The following SLIT2 variants were observed in gnomAD, a reference collection of about 807,000 sequenced individuals.
The protein encoded by SLIT2 is slit homolog 2 protein.
SLIT2 carries 41 observed loss-of-function variants against 185.7 expected under a neutral mutation model. That is an observed-to-expected ratio of 0.22 (90% CI 0.17 to 0.29). The LOEUF is 0.29. Ranked by LOEUF, SLIT2 falls within the 10% of genes least tolerant of loss-of-function variation. The pLI is 1.00. For missense variants in SLIT2, 1,571 were observed against 1,909.0 expected, an observed-to-expected ratio of 0.82 and a Z score of 3.30; for synonymous variants, 693 against 680.2, an observed-to-expected ratio of 1.02 and a Z score of -0.29.
intron 4 of SLIT2, among the ~76,000 whole-genome samples, chr4:20,326,746 C>CTTTTTTTTTT (rs59509608): frequency 1.8e-5 from 1 of 54,728 alleles, no homozygotes; most frequent in Admixed American, 2.1e-4. Context: ...ATTCTGAAAC[C>CTTTTTTTTTT]TTTTTTTTTT....
At chr4:20,467,288 G>A (rs1260753902) in intron 4 of SLIT2, among the ~76,000 whole-genome samples, 5 of 152,008 alleles carry the variant, frequency 3.3e-5, no homozygotes, top group African/African-American at 7.2e-5. Context: ...TAATCATACT[G>A]TCCAGGTTTT....
At position 20,528,415 on chromosome 4, in the gene SLIT2, A is replaced by G; in HGVS notation, c.1463-534A>G. 1.9e-6 allele frequency: 1 copy of G among 514,710 alleles called. No homozygotes were observed. Among genetic ancestry groups the G allele is most frequent in the Non-Finnish European group, 4.0e-6 (1 of 248,796 alleles). The allele number at this position is 514,710 out of a possible 1,614,324, so 31.9% of individuals were successfully genotyped here. ...ACAAGCTGCTGAGGCTTAAATCAGG[A>G]TTTTCCTGTCTCTTTCTACAAAATC... is the stretch of plus-strand genomic sequence containing the variant. On this transcript the variant is annotated intron_variant, in intron 15 of 36. Transcript: ENST00000504154. The surrounding 1 kb of genome is among the most constrained non-coding windows in gnomAD (Gnocchi z 4.2).
chr4:20,526,809 C>CT (rs1721336795), intron 15 of SLIT2, among the ~76,000 whole-genome samples: 1 of 152,110 alleles, frequency 6.6e-6, no homozygotes, highest in Non-Finnish European at 1.5e-5. Context: ...GCTTCCTCCC[C>CT]TTTTTTCCAA....
chr4:20,468,561 G>C (rs1577714284), intron 5 of SLIT2, among the ~76,000 whole-genome samples: 2 of 151,966 alleles, frequency 1.3e-5, no homozygotes, highest in South Asian at 2.1e-4. Flanking sequence ...TTATTTCTAA[G>C]GATGCATATC....
intron 5 of SLIT2, 26 bp downstream of exon 5, chr4:20,467,849 G>A (rs1371370620): frequency 4.3e-6 from 5 of 1,173,710 alleles, no homozygotes; most frequent in South Asian, 1.4e-5. Context: ...TAAATTTATA[G>A]TGTTTTAAGT....
intron 4 of SLIT2, among the ~76,000 whole-genome samples, chr4:20,361,442 G>A (rs1474527595): frequency 6.6e-6 from 1 of 152,014 alleles, no homozygotes; most frequent in South Asian, 2.1e-4. Context: ...TAGATTTCAG[G>A]ATCTCTCTTT....
At chr4:20,615,555 G>A (rs1729587242) in intron 34 of SLIT2, 1 of 152,234 alleles carries the variant, frequency 6.6e-6, no homozygotes. Flanking sequence ...TGCTCATGGT[G>A]TATAGATGAC....
intron 4 of SLIT2, among the ~76,000 whole-genome samples, chr4:20,297,000 C>T (rs1225162123): frequency 6.6e-6 from 1 of 152,198 alleles, no homozygotes; most frequent in Non-Finnish European, 1.5e-5. Flanking sequence ...TGAGCTTGTC[C>T]TTGAACATGC....
chr4:20,339,179 C>A (rs1486402213), intron 4 of SLIT2, among the ~76,000 whole-genome samples: 5 of 148,590 alleles, frequency 3.4e-5, no homozygotes, highest in African/African-American at 7.4e-5. Flanking sequence ...GTATGGATTA[C>A]AATTATTTCT....
At chr4:20,290,605 C>T (rs908498263) in intron 4 of SLIT2, among the ~76,000 whole-genome samples, 79 of 152,156 alleles carry the variant, frequency 5.2e-4, no homozygotes, top group Admixed American at 7.9e-4. Context: ...TGTGTGATTA[C>T]TTATGAATAC....
In SLIT2 at chr4:20,503,090, T is replaced by C. The variant is rs1718886555; in HGVS notation, c.915-7405T>C. The stretch of plus-strand genomic sequence containing the variant: ...AGACATCTGGGGCATAGTCACAATG[T>C]TATTTATTCTCATAATTGGTAAAAG... On this transcript the variant is annotated intron_variant, in intron 9 of 36. Transcript: ENST00000504154. 2.6e-5 allele frequency among the ~76,000 whole-genome samples: 4 copies of C among 152,192 alleles called. No homozygotes were observed. The South Asian group carries it at 6.2e-4, about 24-fold the overall frequency.
At position 20,253,149 on chromosome 4, in the gene SLIT2, C is replaced by G. The variant is rs1722171236; in HGVS notation, c.-667C>G. ...GGGAGACCGCGAGGACCGGTCCAGGCTGCGGCGGAGTCGAGGGCGAGGGAG... is the reference window on the plus strand; with the variant it reads ...GGGAGACCGCGAGGACCGGTCCAGGGTGCGGCGGAGTCGAGGGCGAGGGAG... On this transcript the variant is annotated 5_prime_UTR_variant, in exon 1 of 37. Coordinates refer to ENST00000504154, the MANE Select transcript of SLIT2 (RefSeq NM_004787.4). 1.3e-5 allele frequency: 2 copies of G among 154,558 alleles called. No individual in the cohort carries two copies. Among genetic ancestry groups the G allele is most frequent in the Non-Finnish European group, 2.9e-5 (2 of 70,048 alleles). The allele number at this position is 154,558 out of a possible 1,614,324, so 9.6% of individuals were successfully genotyped here.
intron 4 of SLIT2, among the ~76,000 whole-genome samples, chr4:20,315,860 T>A (rs1177327456): frequency 1.3e-5 from 2 of 152,102 alleles, no homozygotes; most frequent in Admixed American, 1.3e-4. Flanking sequence ...TAATCTATGA[T>A]ACATTTATTG....
chr4:20,469,405 C>T (rs562053489), intron 5 of SLIT2, among the ~76,000 whole-genome samples: 3 of 152,046 alleles, frequency 2.0e-5, no homozygotes, highest in Admixed American at 6.6e-5. Context: ...TTTAAGGATA[C>T]GCATGGAAAT....
chr4:20,434,076 A>C (rs1729172517), intron 4 of SLIT2, among the ~76,000 whole-genome samples: 1 of 152,156 alleles, frequency 6.6e-6, no homozygotes, highest in African/African-American at 2.4e-5. Context: ...TATGAATAAC[A>C]GTGTTTCTGA....
chr4:20,312,232 A>G (rs1718175067), intron 4 of SLIT2, among the ~76,000 whole-genome samples: 1 of 152,212 alleles, frequency 6.6e-6, no homozygotes. Flanking sequence ...AATTTGAGTT[A>G]CTCAACCAAC....
intron 1 of SLIT2, chr4:20,255,218 C>G: frequency 2.8e-6 from 1 of 361,080 alleles, no homozygotes. Flanking sequence ...GGAGAGGAGG[C>G]GCTCTGACCC....
chr4:20,323,878 C>T (rs922658253), intron 4 of SLIT2, among the ~76,000 whole-genome samples: 6 of 152,130 alleles, frequency 3.9e-5, no homozygotes, highest in Admixed American at 2.6e-4. Flanking sequence ...AGAATGTGTT[C>T]AGTTTGTACT....
intron 4 of SLIT2, among the ~76,000 whole-genome samples, chr4:20,289,643 T>C (rs1577375025): frequency 6.6e-6 from 1 of 152,336 alleles, no homozygotes; most frequent in Non-Finnish European, 1.5e-5. Flanking sequence ...GAGATCTCTT[T>C]ATCTGCCTCC....
Sources: gnomAD v4.1 joint callset for allele counts (sites outside exome capture counted in the v4.1 genomes callset) on GRCh38, gnomAD v4.1.1 for gene constraint, Gnocchi (gnomAD v3.1) non-coding constraint, MANE v1.5 for transcripts, NCBI Gene and HGNC (gene_info 2026-07-23, HGNC 2026-07-21) for gene names.